ADAMTS2: variants seen among roughly 807,000 people sequenced by gnomAD.
ADAMTS2 encodes A disintegrin and metalloproteinase with thrombospondin motifs 2.
A neutral mutation model predicts 123.0 loss-of-function variants in ADAMTS2; 50 were observed. That is an observed-to-expected ratio of 0.41 (90% CI 0.32 to 0.51). ADAMTS2 has a LOEUF of 0.51. Ranked by LOEUF, ADAMTS2 falls within the 20% of genes least tolerant of loss-of-function variation. The probability of loss-of-function intolerance (pLI) is 0.35; values close to 1 mark genes in which losing one functional copy is unlikely to be tolerated. For missense variants in ADAMTS2, 1,494 were observed against 1,705.2 expected (o/e 0.88, Z 2.18); for synonymous variants, 678 against 695.4 (o/e 0.98, Z 0.39).
At chr5:179,229,254 C>A (rs887922782) in intron 3 of ADAMTS2, among the ~76,000 whole-genome samples, 18 of 152,066 alleles carry the variant, frequency 1.2e-4, no homozygotes, top group African/African-American at 4.3e-4. Context: ...GGCAGAGTCA[C>A]AAACACGAGA....
intron 3 of ADAMTS2, among the ~76,000 whole-genome samples, chr5:179,231,596 G>A (rs1018656044): frequency 2.0e-5 from 3 of 152,196 alleles, no homozygotes; most frequent in Admixed American, 2.0e-4. Context: ...AGAAGAGGAT[G>A]AGAATTCTGA....
rs1434924384 is a variant in ADAMTS2 at position 179,155,030 on chromosome 5, A to G, written c.1133-111T>C. ...TCCTCAAGGCCCCAATGCCCTCTCT[A>G]CCACAGGCAACTGCCCCCGGCTGGC... On this transcript the variant is annotated intron_variant, in intron 6 of 21. Transcript: ENST00000251582. This position sits in a 1 kb window ranked among gnomAD's most constrained non-coding sequence, Gnocchi z 5.1. 19 of 918,448 alleles carry G rather than the reference A, an allele frequency of 2.1e-5. No homozygotes were observed. The highest frequency in any genetic ancestry group is 3.3e-5 in the Non-Finnish European group (19 of 572,956). The allele number at this position is 918,448 out of a possible 1,614,324, so 56.9% of individuals were successfully genotyped here. A position where few individuals can be genotyped will look rare whatever the true frequency, so the allele number is the denominator to read the frequency against.
intron 5 of ADAMTS2, among the ~76,000 whole-genome samples, chr5:179,164,943 G>A (rs749979559): frequency 1.7e-4 from 26 of 152,216 alleles, no homozygotes; most frequent in Non-Finnish European, 3.2e-4. Context: ...GAAAGAAACT[G>A]ATGTCCAGGC....
intron 4 of ADAMTS2, among the ~76,000 whole-genome samples, chr5:179,182,976 A>G (rs527375627): frequency 6.6e-6 from 1 of 152,294 alleles, no homozygotes; most frequent in East Asian, 1.9e-4. Context: ...TTCCTCTGTA[A>G]AATGAGGATT....
In ADAMTS2 at chr5:179,117,101, C is replaced by G. The variant is rs1232349955; in HGVS notation, c.3179-2777G>C. Among the ~76,000 whole-genome samples, 1 of 152,178 alleles carries G rather than the reference C, an allele frequency of 6.6e-6. No individual in the cohort carries two copies. Among genetic ancestry groups the G allele is most frequent in the African/African-American group, 2.4e-5 (1 of 41,432 alleles). On this transcript the variant is annotated intron_variant, in intron 21 of 21. Coordinates refer to ENST00000251582, the MANE Select transcript of ADAMTS2 (RefSeq NM_014244.5). This position sits in a 1 kb window ranked among gnomAD's most constrained non-coding sequence, Gnocchi z 4.2. ...TAGACTCAGACTGCTGATGATAGTA[C>G]TGTTTGAAGGTGGGTGGAGGAGACA...
chr5:179,162,192 T>C lies in ADAMTS2; in HGVS notation c.976-3313A>G, dbSNP rs536857140. 2.2e-4 allele frequency among the ~76,000 whole-genome samples: 34 copies of C among 152,342 alleles called. 2 individuals are homozygous for C. The South Asian group carries it at 6.4e-3, about 29-fold the overall frequency. ...CTGGTGGGTTGCGGTGACTTCTGCC[T>C]GCCCTTGTTTCCCTTTCGTGAAACT... On this transcript the variant is annotated intron_variant, in intron 5 of 21. Coordinates refer to ENST00000251582, the MANE Select transcript of ADAMTS2 (RefSeq NM_014244.5). This position sits in a 1 kb window ranked among gnomAD's most constrained non-coding sequence, Gnocchi z 5.1.
chr5:179,207,601 A>G lies in ADAMTS2; in HGVS notation c.803T>C (p.Ile268Thr), dbSNP rs370642011. 6.2e-7 allele frequency: 1 copy of G among 1,613,756 alleles called. No individual in the cohort carries two copies. Among genetic ancestry groups the G allele is most frequent in the Non-Finnish European group, 8.5e-7 (1 of 1,180,000 alleles). Residue 268 changes from isoleucine to threonine, a missense_variant, in exon 4 of 22, where the codon ATC becomes ACC. Physicochemically the swap from Ile to Thr is moderately conservative, Grantham distance 89 (BLOSUM62 -1). This residue lies in a region of ADAMTS2 where 184 missense variants were observed against 152.1 expected (regional missense o/e 1.21). Coordinates refer to ENST00000251582, the MANE Select transcript of ADAMTS2 (RefSeq NM_014244.5). ...GTCATCCACGCCCAGCAGGACCTCG[A>G]TGTTGTAGTCATCGTCCGCAGCATG... ...RRHAADDDYN[I>T]EVLLGVDDSV...
intron 3 of ADAMTS2, among the ~76,000 whole-genome samples, chr5:179,257,979 G>T (rs187697249): frequency 1.3e-4 from 20 of 152,298 alleles, no homozygotes; most frequent in African/African-American, 4.3e-4. Flanking sequence ...GTGTCTACCT[G>T]GGCCCAGTGA....
chr5:179,176,062 C>G (rs1261705510), intron 5 of ADAMTS2, among the ~76,000 whole-genome samples: 1 of 152,180 alleles, frequency 6.6e-6, no homozygotes, highest in Non-Finnish European at 1.5e-5. Flanking sequence ...ACTTCTTTGA[C>G]CTTGGGACCC....
At chr5:179,150,441 C>T (rs1418965320) in intron 10 of ADAMTS2, among the ~76,000 whole-genome samples, 1 of 152,222 alleles carries the variant, frequency 6.6e-6, no homozygotes, top group Non-Finnish European at 1.5e-5. Context: ...AACACCAATT[C>T]CCAGGTCTTC....
At chr5:179,238,471 G>A (rs1157631844) in intron 3 of ADAMTS2, among the ~76,000 whole-genome samples, 4 of 152,152 alleles carry the variant, frequency 2.6e-5, no homozygotes, top group Non-Finnish European at 5.9e-5. Context: ...AGGGCACAGG[G>A]TCTGCGAGTG....
At chr5:179,138,493 G>T (rs1389553013) in intron 11 of ADAMTS2, among the ~76,000 whole-genome samples, 1 of 152,230 alleles carries the variant, frequency 6.6e-6, no homozygotes, top group African/African-American at 2.4e-5. Flanking sequence ...CTGTGGAGAA[G>T]GCGGGCTGCG....
chr5:179,263,825 C>T (rs1006872235), intron 3 of ADAMTS2, among the ~76,000 whole-genome samples: 6 of 152,238 alleles, frequency 3.9e-5, no homozygotes, highest in East Asian at 1.9e-4. Flanking sequence ...TCTGACTGCG[C>T]GACCTTTCCC....
intron 4 of ADAMTS2, among the ~76,000 whole-genome samples, chr5:179,201,126 C>T (rs2113359986): frequency 6.6e-6 from 1 of 152,276 alleles, no homozygotes; most frequent in Middle Eastern, 3.4e-3. Flanking sequence ...GGTGGGGAGA[C>T]AGTCATTTGC....
At chr5:179,280,107 A>T (rs965270029) in intron 2 of ADAMTS2, among the ~76,000 whole-genome samples, 3 of 152,166 alleles carry the variant, frequency 2.0e-5, no homozygotes, top group African/African-American at 7.2e-5. Flanking sequence ...AGCTCCACAG[A>T]ACCTGATGAC....
rs1763061377 is a variant in ADAMTS2, at chr5:179,135,982, T to A, written c.2012A>T (p.Lys671Met). The change falls in exon 13 of 22, where the codon AAG (lysine) becomes ATG (methionine). Residue 671 changes from lysine (K) to methionine (M), a missense_variant. Lys to Met is a moderately conservative substitution (Grantham distance 95). Around this residue, in one of 6 missense-constraint regions of ADAMTS2, gnomAD observed 953 missense variants for 1,124.7 expected, o/e 0.85. Coordinates refer to ENST00000251582, the MANE Select transcript of ADAMTS2 (RefSeq NM_014244.5). The part of the protein sequence containing the change: ...SRETGEVVSM[K>M]RMVHDGTRCS... Reference sequence around the variant, plus strand: ...GCGCGTCCCGTCATGCACCATGCGCTTCATGGACACCACCTCCCCGGTCTC... The same window carrying A: ...GCGCGTCCCGTCATGCACCATGCGCATCATGGACACCACCTCCCCGGTCTC... The A allele has an allele frequency of 6.2e-7, 1 of 1,613,418 alleles. No individual in the cohort carries two copies. Among genetic ancestry groups the A allele is most frequent in the Non-Finnish European group, 8.5e-7 (1 of 1,180,022 alleles).
At chr5:179,259,119 T>C (rs1766145548) in intron 3 of ADAMTS2, among the ~76,000 whole-genome samples, 1 of 151,986 alleles carries the variant, frequency 6.6e-6, no homozygotes, top group African/African-American at 2.4e-5. Context: ...ACAGAAGCCA[T>C]CGTGATCTGA....
chr5:179,208,819 C>T (rs1764781835), intron 3 of ADAMTS2, among the ~76,000 whole-genome samples: 1 of 152,182 alleles, frequency 6.6e-6, no homozygotes, highest in Non-Finnish European at 1.5e-5. Flanking sequence ...GTCTCCATGG[C>T]ATTCCCCAGG....
rs543149864 is a variant in ADAMTS2 at position 179,202,943 on chromosome 5, AG to A, written c.891+4569del. 8.5e-5 allele frequency among the ~76,000 whole-genome samples: 13 copies of A among 152,316 alleles called. No individual in the cohort carries two copies. The highest frequency in any genetic ancestry group is 2.9e-4 in the African/African-American group (12 of 41,586). On this transcript the variant is annotated intron_variant, in intron 4 of 21. Transcript: ENST00000251582. The surrounding 1 kb of genome is among the most constrained non-coding windows in gnomAD (Gnocchi z 4.0). ...GCCATGCAGCTCCACACCAGCTACA[AG>A]GGAGACTGGGGAGGGGAGCACAGGG...
Sources: allele counts gnomAD v4.1 joint callset (sites outside exome capture counted in the v4.1 genomes callset), GRCh38; gene constraint gnomAD v4.1.1; regional missense constraint gnomAD v4.1.1; non-coding constraint Gnocchi (gnomAD v3.1); transcripts MANE v1.5; gene names NCBI Gene and HGNC (gene_info 2026-07-23, HGNC 2026-07-21).